LINGO2: variants seen among roughly 807,000 people sequenced by gnomAD.
The protein encoded by LINGO2 is leucine rich repeat and Ig domain containing 2, also known as leucine-rich repeat and immunoglobulin-like domain-containing nogo receptor-interacting protein 2.
In LINGO2, 14 loss-of-function variants were observed where a neutral mutation model predicts 30.6. That is an observed-to-expected ratio of 0.46 (90% confidence interval 0.30 to 0.72). LINGO2 has a LOEUF of 0.72. Ranked by LOEUF, LINGO2 falls within the 30% of genes least tolerant of loss-of-function variation. The probability of loss-of-function intolerance (pLI) is 0.07; values close to 1 mark genes in which losing one functional copy is unlikely to be tolerated. For missense variants in LINGO2, 729 were observed against 751.7 expected (o/e 0.97, Z 0.35); for synonymous variants, 317 against 288.5 (o/e 1.10, Z -1.00).
At chr9:28,839,261 C>T in the LINGO2 span, among the ~76,000 whole-genome samples, 1 of 152,086 alleles carries the variant, frequency 6.6e-6, no homozygotes, top group African/African-American at 2.4e-5. Flanking sequence ...CCAAGTTGTC[C>T]CACATCCAGG....
intron 5 of LINGO2, among the ~76,000 whole-genome samples, chr9:27,976,500 C>T (rs1452174467): frequency 6.6e-6 from 1 of 152,038 alleles, no homozygotes; most frequent in Non-Finnish European, 1.5e-5. Flanking sequence ...ATATGCCAGG[C>T]ATAATGCTAG....
intron 4 of LINGO2, among the ~76,000 whole-genome samples, chr9:28,194,339 C>T (rs535569997): frequency 2.6e-5 from 4 of 151,994 alleles, no homozygotes; most frequent in African/African-American, 7.2e-5. Flanking sequence ...AAGTCTTTTA[C>T]CAATACTAAC....
chr9:28,073,918 T>C (rs909545967), intron 4 of LINGO2, among the ~76,000 whole-genome samples: 2 of 152,022 alleles, frequency 1.3e-5, no homozygotes, highest in Non-Finnish European at 2.9e-5. Flanking sequence ...GAAAGGGTGC[T>C]CTACTATTGT....
At chr9:28,871,764 C>T in the LINGO2 span, among the ~76,000 whole-genome samples, 2 of 151,876 alleles carry the variant, frequency 1.3e-5, no homozygotes, top group African/African-American at 4.8e-5. Context: ...GTTCAAATCC[C>T]AGTTCTGATG....
At chr9:29,062,957 C>A in the LINGO2 span, among the ~76,000 whole-genome samples, 4 of 152,080 alleles carry the variant, frequency 2.6e-5, no homozygotes, top group Admixed American at 6.6e-5. Context: ...GACCAGATTA[C>A]GTTCTAGACT....
the LINGO2 span, among the ~76,000 whole-genome samples, chr9:28,741,162 C>T: frequency 6.6e-6 from 1 of 151,960 alleles, no homozygotes; most frequent in Non-Finnish European, 1.5e-5. Context: ...AACTCAGGTC[C>T]ACTGAGATAG....
intron 5 of LINGO2, among the ~76,000 whole-genome samples, chr9:27,965,179 A>T (rs969960558): frequency 4.6e-5 from 7 of 152,072 alleles, no homozygotes; most frequent in African/African-American, 1.7e-4. Context: ...GGAGAAGGGG[A>T]AAGAAACTTT....
chr9:28,109,399 A>G (rs533840021), intron 4 of LINGO2, among the ~76,000 whole-genome samples: 3 of 152,306 alleles, frequency 2.0e-5, no homozygotes, highest in South Asian at 4.1e-4. Flanking sequence ...GGCCAGGACA[A>G]TCAGGCAATA....
At chr9:28,844,605 C>T in the LINGO2 span, among the ~76,000 whole-genome samples, 5 of 151,580 alleles carry the variant, frequency 3.3e-5, no homozygotes, top group Non-Finnish European at 7.4e-5. Flanking sequence ...TAATTACTAC[C>T]CATCCCTACT....
chr9:28,587,402 C>T (rs1824609042), intron 1 of LINGO2, among the ~76,000 whole-genome samples: 1 of 152,014 alleles, frequency 6.6e-6, no homozygotes, highest in Non-Finnish European at 1.5e-5. Context: ...CTTCACCTTC[C>T]TAGTCACAGA....
the LINGO2 span, among the ~76,000 whole-genome samples, chr9:28,791,653 TA>T: frequency 6.6e-6 from 1 of 151,872 alleles, no homozygotes; most frequent in Non-Finnish European, 1.5e-5. Flanking sequence ...AGAGCTGAAA[TA>T]AAAAAGTACT....
intron 5 of LINGO2, among the ~76,000 whole-genome samples, chr9:27,956,752 T>C (rs1013158989): frequency 3.9e-5 from 6 of 152,142 alleles, no homozygotes; most frequent in Admixed American, 2.6e-4. Context: ...TGATTTATTT[T>C]CCTCCTACAG....
At chr9:28,833,689 G>A in the LINGO2 span, among the ~76,000 whole-genome samples, 1 of 152,140 alleles carries the variant, frequency 6.6e-6, no homozygotes, top group Non-Finnish European at 1.5e-5. Context: ...CAGTTTTCTA[G>A]AGTTTGTAGG....
At chr9:29,139,643 T>A in the LINGO2 span, among the ~76,000 whole-genome samples, 21 of 151,994 alleles carry the variant, frequency 1.4e-4, no homozygotes, top group African/African-American at 5.1e-4. Flanking sequence ...TTGAACCCCA[T>A]GAAAGTATAA....
intron 5 of LINGO2, among the ~76,000 whole-genome samples, chr9:28,006,095 C>T (rs1822252926): frequency 6.6e-6 from 1 of 151,956 alleles, no homozygotes; most frequent in Non-Finnish European, 1.5e-5. Flanking sequence ...AGATTTATTT[C>T]CAGTGTCACC....
the LINGO2 span, among the ~76,000 whole-genome samples, chr9:29,141,997 A>G: frequency 6.6e-6 from 1 of 151,880 alleles, no homozygotes; most frequent in African/African-American, 2.4e-5. Flanking sequence ...GAATAGAAAA[A>G]CCAGACAGAA....
the LINGO2 span, among the ~76,000 whole-genome samples, chr9:28,761,418 C>A: frequency 6.6e-6 from 1 of 151,532 alleles, no homozygotes; most frequent in Admixed American, 6.6e-5. Flanking sequence ...CAACCTAATT[C>A]TTGTCCTTAA....
chr9:27,991,611 G>C (rs1319204808), intron 5 of LINGO2, among the ~76,000 whole-genome samples: 1 of 152,032 alleles, frequency 6.6e-6, no homozygotes, highest in African/African-American at 2.4e-5. Context: ...ACCATGTCAA[G>C]GGCAACTTCA....
In LINGO2 at chr9:28,349,731, G is replaced by A. The variant is rs1184216075; in HGVS notation, c.-246+23105C>T. 3.4e-5 allele frequency among the ~76,000 whole-genome samples: 5 copies of A among 147,866 alleles called. No individual in the cohort carries two copies. The Admixed American group carries it at 3.4e-4, about 10-fold the overall frequency. On this transcript the variant is annotated intron_variant, in intron 3 of 5. Coordinates refer to ENST00000379992, the Ensembl canonical transcript of LINGO2. ...CCAAAGTTGAAATGAAGGAAAAAAT[G>A]TTAAGGGCAGCCAGAGAGAAAGGTC... is the stretch of plus-strand genomic sequence containing the variant.
Sources: gnomAD v4.1 joint callset for allele counts (sites outside exome capture counted in the v4.1 genomes callset) on GRCh38, gnomAD v4.1.1 for gene constraint, MANE v1.5 for transcripts, NCBI Gene and HGNC (gene_info 2026-07-23, HGNC 2026-07-21) for gene names.